COL9A2: variants seen among roughly 807,000 people sequenced by gnomAD.
COL9A2 encodes collagen alpha-2(IX) chain.
Under a neutral mutation model 111.6 loss-of-function variants are expected in COL9A2, and 66 were observed. The ratio of observed to expected loss-of-function variants is 0.59; its 90% confidence interval spans 0.48 to 0.73. The LOEUF (loss-of-function observed/expected upper bound fraction) is 0.73. Among genes scored for constraint, COL9A2 ranks in the 30% least tolerant of loss-of-function variants. The probability of loss-of-function intolerance (pLI) is 0.00; values close to 1 mark genes in which losing one functional copy is unlikely to be tolerated. For missense variants in COL9A2, 881 were observed against 954.1 expected, an observed-to-expected ratio of 0.92 and a Z score of 1.01; for synonymous variants, 353 against 364.1, an observed-to-expected ratio of 0.97 and a Z score of 0.35.
intron 1 of COL9A2, 200 bp from the exon 2 acceptor site, chr1:40,315,864 G>A (rs941595478): frequency 1.3e-5 from 6 of 469,686 alleles, no homozygotes; most frequent in African/African-American, 2.0e-5. Context: ...AGAACCGGGA[G>A]GCGGGCGCTA....
intron 24 of COL9A2, 61 bp downstream of exon 24, chr1:40,304,259 C>T (rs1643983478): frequency 1.9e-6 from 3 of 1,541,488 alleles, no homozygotes; most frequent in African/African-American, 1.4e-5. Context: ...TGAGTCCTGC[C>T]GACCCCACTC....
At chr1:40,315,259 C>T (rs1197823363) in intron 2 of COL9A2, 1 of 1,147,950 alleles carries the variant, frequency 8.7e-7, no homozygotes, top group Non-Finnish European at 1.1e-6. Flanking sequence ...TCCAGATGTG[C>T]CAGAGGCAGG....
chr1:40,301,682 G>T (rs1156850537), intron 31 of COL9A2, 130 bp downstream of exon 31: 2 of 889,656 alleles, frequency 2.2e-6, no homozygotes, highest in Non-Finnish European at 3.5e-6. Context: ...CTCCAAAGGG[G>T]TGCAGAAGCT....
Position 40,314,280 on chromosome 1 carries a change from G to C in COL9A2, c.187-13C>G. ...CGCCCTTGGGTCCCTTGAAAACAGA[G>C]ATGGAACAAACATGAGCCAGAGGAG... On this transcript the variant is annotated splice_polypyrimidine_tract_variant and intron_variant, in intron 3 of 31. Coordinates refer to ENST00000372748, the MANE Select transcript of COL9A2 (RefSeq NM_001852.4). The surrounding 1 kb of genome is among the most constrained non-coding windows in gnomAD (Gnocchi z 4.1). 6.2e-7 allele frequency: 1 copy of C among 1,614,220 alleles called. No individual in the cohort carries two copies.
chr1:40,316,333 G>A lies in COL9A2; in HGVS notation c.76-669C>T, dbSNP rs543244746. Among the ~76,000 whole-genome samples the A allele has an allele frequency of 3.5e-4, 53 of 152,324 alleles. No individual in the cohort carries two copies. Among genetic ancestry groups the A allele is most frequent in the African/African-American group, 1.3e-3 (53 of 41,574 alleles). On this transcript the variant is annotated intron_variant, in intron 1 of 31. Transcript: ENST00000372748. The surrounding 1 kb of genome is among the most constrained non-coding windows in gnomAD (Gnocchi z 5.5). Reference sequence around the variant, plus strand: ...CTGCTGCAGGGGAGCAGGAGGAGCCGGCACCTCCCAGAAAGCAGACCCTCT... The same window carrying A: ...CTGCTGCAGGGGAGCAGGAGGAGCCAGCACCTCCCAGAAAGCAGACCCTCT...
Position 40,302,723 on chromosome 1 carries a change from G to A in COL9A2, c.1690C>T (p.Pro564Ser). The change falls in exon 30 of 32, where the codon CCT (proline) becomes TCT (serine). Residue 564 changes from proline to serine, a missense_variant. Physicochemically the swap from Pro to Ser is moderately conservative, Grantham distance 74 (BLOSUM62 -1). Transcript: ENST00000372748. The surrounding 1 kb of genome is among the most constrained non-coding windows in gnomAD (Gnocchi z 4.5). ...MMGPPGPPGP[P>S]GYPGKQGPHG... is the part of the protein sequence containing the mutation. ...GGGCCCTGCTTGCCTGGGTACCCAG[G>A]GGGCCCAGGAGGTCCTGGAGGACCC... The A allele has an allele frequency of 6.3e-7, 1 of 1,575,124 alleles. No individual in the cohort carries two copies. Among genetic ancestry groups the A allele is most frequent in the Non-Finnish European group, 8.6e-7 (1 of 1,161,572 alleles).
At position 40,310,056 on chromosome 1, in the gene COL9A2, GGC is replaced by G; in HGVS notation, c.792+53_792+54del. ...TCAGGGGGAGCCATGCCCACTCTGTGGCTGTAGCTGTAGGAGCTCCAGCCTCA... is the reference window on the plus strand; with the variant it reads ...TCAGGGGGAGCCATGCCCACTCTGTGTGTAGCTGTAGGAGCTCCAGCCTCA... On this transcript the variant is annotated intron_variant, in intron 15 of 31. Coordinates refer to ENST00000372748, the MANE Select transcript of COL9A2 (RefSeq NM_001852.4). This position sits in a 1 kb window ranked among gnomAD's most constrained non-coding sequence, Gnocchi z 4.9. The G allele has an allele frequency of 6.2e-7, 1 of 1,613,614 alleles. No individual in the cohort carries two copies. The highest frequency in any genetic ancestry group is 8.5e-7 in the Non-Finnish European group (1 of 1,179,526).
rs910965665 is a variant in COL9A2 at position 40,302,460 on chromosome 1, C to T, written c.1792+161G>A. 3.9e-5 allele frequency among the ~76,000 whole-genome samples: 6 copies of T among 152,182 alleles called. No homozygotes were observed. The highest frequency in any genetic ancestry group is 7.3e-5 in the Non-Finnish European group (5 of 68,028). ...GATAACATAGTACATTCATTGCCAT[C>T]CGTTTGCTACTAGGAAAGAGCCCAG... On this transcript the variant is annotated intron_variant, in intron 30 of 31. Transcript: ENST00000372748. This position sits in a 1 kb window ranked among gnomAD's most constrained non-coding sequence, Gnocchi z 4.5.
In COL9A2 at chr1:40,312,261, T is replaced by C; in HGVS notation, c.364-149A>G. ...CAGAGAGACTGACAGACTGAGGCTT[T>C]AAGGACCAGAGAATTGCAGAGCCAG... On this transcript the variant is annotated intron_variant, in intron 7 of 31. Transcript: ENST00000372748. This position sits in a 1 kb window ranked among gnomAD's most constrained non-coding sequence, Gnocchi z 6.0. 1 of 1,031,050 alleles carries C rather than the reference T, an allele frequency of 9.7e-7. No individual in the cohort carries two copies. Among genetic ancestry groups the C allele is most frequent in the Non-Finnish European group, 1.5e-6 (1 of 684,572 alleles). The allele number at this position is 1,031,050 out of a possible 1,614,324, so 63.9% of individuals were successfully genotyped here. A position where few individuals can be genotyped will look rare whatever the true frequency, so the allele number is the denominator to read the frequency against.
At chr1:40,308,281 T>C (rs1177822449) in intron 16 of COL9A2, 36 bp from the exon 17 acceptor site, 1 of 1,603,068 alleles carries the variant, frequency 6.2e-7, no homozygotes, top group Admixed American at 1.7e-5. Context: ...ACCCTCAGGA[T>C]GTTGGGCCCC....
intron 22 of COL9A2, 106 bp from the exon 23 acceptor site, chr1:40,304,635 C>T (rs1643994657): frequency 7.0e-7 from 1 of 1,434,944 alleles, no homozygotes; most frequent in South Asian, 1.2e-5. Flanking sequence ...TTCCTGCTGT[C>T]ACTGGCAGGG....
chr1:40,307,433 A>C lies in COL9A2; in HGVS notation c.1008+13T>G, dbSNP rs1569728612. ...GCCCCTGGCCAGCCCCTGTGGCTCCACCTGACACTTACCGCTAGGCCCTGG... is the reference window on the plus strand; with the variant it reads ...GCCCCTGGCCAGCCCCTGTGGCTCCCCCTGACACTTACCGCTAGGCCCTGG... On this transcript the variant is annotated intron_variant, in intron 19 of 31. Coordinates refer to ENST00000372748, the MANE Select transcript of COL9A2 (RefSeq NM_001852.4). This position sits in a 1 kb window ranked among gnomAD's most constrained non-coding sequence, Gnocchi z 4.8. The C allele has an allele frequency of 6.2e-7, 1 of 1,613,498 alleles. No homozygotes were observed.
In COL9A2 at chr1:40,312,239, A is replaced by T; in HGVS notation, c.364-127T>A. The T allele has an allele frequency of 9.9e-7, 1 of 1,012,694 alleles. No individual in the cohort carries two copies. Among genetic ancestry groups the T allele is most frequent in the Non-Finnish European group, 1.5e-6 (1 of 672,544 alleles). The allele number at this position is 1,012,694 out of a possible 1,614,324, so 62.7% of individuals were successfully genotyped here. A position where few individuals can be genotyped will look rare whatever the true frequency, so the allele number is the denominator to read the frequency against. On this transcript the variant is annotated intron_variant, in intron 7 of 31. Transcript: ENST00000372748. The surrounding 1 kb of genome is among the most constrained non-coding windows in gnomAD (Gnocchi z 6.0). Reference sequence around the variant, plus strand: ...TTTTTTTTTTTTTTGCCAACCCCAGAGAGACTGACAGACTGAGGCTTTAAG... The same window carrying T: ...TTTTTTTTTTTTTTGCCAACCCCAGTGAGACTGACAGACTGAGGCTTTAAG...
Position 40,315,679 on chromosome 1 carries a change from C to A in COL9A2, c.76-15G>T. The A allele has an allele frequency of 6.5e-7, 1 of 1,546,568 alleles. No individual in the cohort carries two copies. The highest frequency in any genetic ancestry group is 8.7e-7 in the Non-Finnish European group (1 of 1,142,986). ...GGTGGACCTCTCTGAAAAACACACA[C>A]GGGGTGGGGCAGTCCTCAGACAGTG... On this transcript the variant is annotated splice_polypyrimidine_tract_variant and intron_variant, in intron 1 of 31. Coordinates refer to ENST00000372748, the MANE Select transcript of COL9A2 (RefSeq NM_001852.4).
Position 40,311,116 on chromosome 1 carries a change from C to T in COL9A2, c.607G>A (p.Asp203Asn). The change falls in exon 12 of 32, where the codon GAT becomes AAT. Residue 203 changes from aspartate to asparagine, a missense_variant. By Grantham distance (23) the Asp-to-Asn change is conservative. Coordinates refer to ENST00000372748, the MANE Select transcript of COL9A2 (RefSeq NM_001852.4). The surrounding 1 kb of genome is among the most constrained non-coding windows in gnomAD (Gnocchi z 5.1). ...GHAGKRGILG[D>N]PGHQGKPGPK... The stretch of plus-strand genomic sequence containing the variant: ...ACCGGCTTCCCCTGGTGGCCAGGAT[C>T]ACCCAGAATCCCGCGTTTGCCCGCA... 1 of 1,614,190 alleles carries T rather than the reference C, an allele frequency of 6.2e-7. No homozygotes were observed.
Position 40,307,312 on chromosome 1 carries a change from C to T in COL9A2, c.1008+134G>A, listed in dbSNP as rs1557797817. On this transcript the variant is annotated intron_variant, in intron 19 of 31. Transcript: ENST00000372748. This position sits in a 1 kb window ranked among gnomAD's most constrained non-coding sequence, Gnocchi z 4.8. ...GTAATTGTCCAAGTAATGAAGCCTT[C>T]GCCAGGCCAGGGGCCACAGAGTTGG... is the stretch of plus-strand genomic sequence containing the variant. 3.5e-6 allele frequency: 3 copies of T among 859,858 alleles called. No individual in the cohort carries two copies. Among genetic ancestry groups the T allele is most frequent in the Non-Finnish European group, 3.8e-6 (2 of 525,346 alleles). The allele number at this position is 859,858 out of a possible 1,614,324, so 53.3% of individuals were successfully genotyped here.
chr1:40,314,823 C>T lies in COL9A2; in HGVS notation c.151-436G>A, dbSNP rs936983280. On this transcript the variant is annotated intron_variant, in intron 2 of 31. Transcript: ENST00000372748. This position sits in a 1 kb window ranked among gnomAD's most constrained non-coding sequence, Gnocchi z 4.1. ...GACTGCAGGGCAGGAGAACGGGAAG[C>T]TGAGCCAGTGGCAAGGACCAAGGGG... is the stretch of plus-strand genomic sequence containing the variant. Among the ~76,000 whole-genome samples the T allele has an allele frequency of 1.1e-4, 16 of 152,130 alleles. No homozygotes were observed. The highest frequency in any genetic ancestry group is 3.9e-4 in the African/African-American group (16 of 41,444).
chr1:40,312,094 C>G lies in COL9A2; in HGVS notation c.382G>C (p.Gly128Arg). The G allele has an allele frequency of 6.2e-7, 1 of 1,602,240 alleles. No individual in the cohort carries two copies. Among genetic ancestry groups the G allele is most frequent in the Non-Finnish European group, 8.5e-7 (1 of 1,176,124 alleles). Residue 128 changes from glycine (G) to arginine (R), a missense_variant, in exon 8 of 32, where the codon GGC (glycine) becomes CGC (arginine). Transcript: ENST00000372748. The surrounding 1 kb of genome is among the most constrained non-coding windows in gnomAD (Gnocchi z 6.0). ...CGGATTCCAATCTCACCAGGGAGGC[C>G]AACAGGTCCAGGAGGCCCCTGGGGA... ...AGPPGPPGPV[G>R]LPGEIGIRGP... is the part of the protein sequence containing the mutation.
rs925385729 is a variant in COL9A2 at position 40,308,373 on chromosome 1, C to G, written c.847-128G>C. ...TTCCTCTGGCACAGGCCACACCATG[C>G]AGGGGCCGGAGGAGAGAGCCTTGGG... On this transcript the variant is annotated intron_variant, in intron 16 of 31. Transcript: ENST00000372748. 5.3e-6 allele frequency: 5 copies of G among 950,948 alleles called. No homozygotes were observed. The African/African-American group carries it at 6.5e-5, about 12-fold the overall frequency. 58.9% of individuals were successfully genotyped at this position (950,948 alleles called of 1,614,324 possible). A position where few individuals can be genotyped will look rare whatever the true frequency, so the allele number is the denominator to read the frequency against.
Sources: allele counts gnomAD v4.1 joint callset (sites outside exome capture counted in the v4.1 genomes callset), GRCh38; gene constraint gnomAD v4.1.1; non-coding constraint Gnocchi (gnomAD v3.1); transcripts MANE v1.5; gene names NCBI Gene and HGNC (gene_info 2026-07-23, HGNC 2026-07-21).